The following NCAPG2 variants were observed in gnomAD, a reference collection of about 807,000 sequenced individuals.
NCAPG2 encodes non-SMC condensin II complex subunit G2, also known as condensin-2 complex subunit G2.
Under a neutral mutation model 141.1 loss-of-function variants are expected in NCAPG2, and 53 were observed. The observed-to-expected ratio is 0.38, with a 90% CI of 0.30 to 0.47. NCAPG2 has a LOEUF of 0.47. NCAPG2 is among the 20% of genes least tolerant of loss of function. The pLI is 0.99. For missense variants in NCAPG2, 1,087 were observed against 1,389.0 expected, an observed-to-expected ratio of 0.78 and a Z score of 3.46; for synonymous variants, 499 against 490.7, an observed-to-expected ratio of 1.02 and a Z score of -0.22.
In NCAPG2 at chr7:158,664,511, A is replaced by G; in HGVS notation, c.1702+17T>C. ...GGGAAAACATAACAAGAACTGAGAA[A>G]TAACAGCACTCCCTACCTATGTTGG... On this transcript the variant is annotated intron_variant, in intron 14 of 27. Coordinates refer to ENST00000356309, the MANE Select transcript of NCAPG2 (RefSeq NM_017760.7). The G allele has an allele frequency of 1.2e-6, 2 of 1,609,172 alleles. No individual in the cohort carries two copies. The highest frequency in any genetic ancestry group is 1.3e-5 in the African/African-American group (1 of 74,948).
intron 15 of NCAPG2, 116 bp from the exon 16 acceptor site, chr7:158,662,483 T>C: frequency 1.1e-6 from 1 of 875,200 alleles, no homozygotes; most frequent in Non-Finnish European, 1.6e-6. Flanking sequence ...CGTCTTACTT[T>C]CACGTCTTCT....
At chr7:158,651,752 G>A (rs1398154590) in intron 23 of NCAPG2, among the ~76,000 whole-genome samples, 8 of 152,204 alleles carry the variant, frequency 5.3e-5, no homozygotes, top group Middle Eastern at 3.4e-3. Flanking sequence ...GGGAAGCCAC[G>A]GGCCCCTTCA....
chr7:158,683,401 G>T lies in NCAPG2; in HGVS notation c.838-15C>A. The T allele has an allele frequency of 6.3e-7, 1 of 1,581,248 alleles. No homozygotes were observed. The highest frequency in any genetic ancestry group is 1.4e-5 in the African/African-American group (1 of 73,258). Reference sequence around the variant, plus strand: ...TTTTCAATCGCCTGAAATAACAAATGCAATGCAAAGCACTTGGTGTGTGTG... The same window carrying T: ...TTTTCAATCGCCTGAAATAACAAATTCAATGCAAAGCACTTGGTGTGTGTG... On this transcript the variant is annotated splice_polypyrimidine_tract_variant and intron_variant, in intron 8 of 27. Transcript: ENST00000356309.
chr7:158,652,520 C>G (rs1479772762), intron 22 of NCAPG2, 40 bp from the exon 23 acceptor site: 1 of 1,446,996 alleles, frequency 6.9e-7, no homozygotes, highest in South Asian at 1.3e-5. Context: ...TCTAATCACA[C>G]AAGTTTGTTG....
Position 158,677,525 on chromosome 7 carries a change from C to CAAAAAAAAAA in NCAPG2, c.1147-1879_1147-1870dup. 6.6e-4 allele frequency among the ~76,000 whole-genome samples: 60 copies of CAAAAAAAAAA among 90,406 alleles called. 1 individual carries two copies. Among genetic ancestry groups the CAAAAAAAAAA allele is most frequent in the Middle Eastern group, 0.014 (2 of 148 alleles). 59.3% of individuals were successfully genotyped at this position (90,406 alleles called of 152,430 possible). ...AGAAAAAAAGATGATAAAAATAAAGCAAAAAAAAAAAAAAAAAAAAAAACA... is the reference window on the plus strand; with the variant it reads ...AGAAAAAAAGATGATAAAAATAAAGCAAAAAAAAAAAAAAAAAAAAAAAAAAAAAAAAACA... On this transcript the variant is annotated intron_variant, in intron 11 of 27. Transcript: ENST00000356309.
chr7:158,678,461 G>A (rs1834235710), intron 11 of NCAPG2, among the ~76,000 whole-genome samples: 1 of 152,204 alleles, frequency 6.6e-6, no homozygotes, highest in South Asian at 2.1e-4. Context: ...TTTATGGCAT[G>A]TGAAAATTAC....
At chr7:158,661,005 A>G (rs532428815) in intron 16 of NCAPG2, among the ~76,000 whole-genome samples, 16 of 152,316 alleles carry the variant, frequency 1.1e-4, no homozygotes, top group African/African-American at 3.6e-4. Flanking sequence ...TTCCCCAGCC[A>G]TATGGAACTG....
intron 4 of NCAPG2, among the ~76,000 whole-genome samples, chr7:158,692,505 G>A (rs909862743): frequency 1.3e-5 from 2 of 152,178 alleles, no homozygotes; most frequent in African/African-American, 2.4e-5. Flanking sequence ...CACGTGGGAG[G>A]CTGAGACGGG....
Position 158,654,649 on chromosome 7 carries a change from C to T in NCAPG2, c.2692G>A (p.Asp898Asn), listed in dbSNP as rs751608441. ...CKDVVMVGLGDHQFQMQLLQR... is the reference protein window; with the variant it reads ...CKDVVMVGLGNHQFQMQLLQR... The stretch of plus-strand genomic sequence containing the variant: ...AAGAGTTGCATCTGAAACTGATGGT[C>T]ACCAAGGCCTACCATAACAACATCT... The change falls in exon 22 of 28, where the codon GAC becomes AAC. Residue 898 changes from aspartate to asparagine, a missense_variant. Coordinates refer to ENST00000356309, the MANE Select transcript of NCAPG2 (RefSeq NM_017760.7). 3.1e-6 allele frequency: 5 copies of T among 1,614,074 alleles called. No homozygotes were observed. The South Asian group carries it at 5.5e-5, about 18-fold the overall frequency.
intron 24 of NCAPG2, among the ~76,000 whole-genome samples, 185 bp from the exon 25 acceptor site, chr7:158,646,748 T>C (rs6459887): frequency 0.92 from 139,424 of 152,246 alleles, 63,879 homozygotes; most frequent in East Asian, 0.98. Flanking sequence ...CATAAGTGTG[T>C]TGGGCGTGGT....
chr7:158,662,841 T>C (rs1832622669), intron 15 of NCAPG2, among the ~76,000 whole-genome samples: 1 of 152,100 alleles, frequency 6.6e-6, no homozygotes, highest in African/African-American at 2.4e-5. Context: ...GGACACAGTC[T>C]CTGGTTGGCC....
chr7:158,702,694 A>G (rs1835887951), intron 1 of NCAPG2, among the ~76,000 whole-genome samples: 1 of 152,234 alleles, frequency 6.6e-6, no homozygotes. Flanking sequence ...CACCTGCACC[A>G]TTATAAATAG....
Position 158,656,661 on chromosome 7 carries a change from A to G in NCAPG2, c.2105T>C (p.Val702Ala), listed in dbSNP as rs1225678799. The change falls in exon 18 of 28, where the codon GTG becomes GCG. Residue 702 changes from valine (V) to alanine (A), a missense_variant. By Grantham distance (64) the Val-to-Ala change is moderately conservative. Transcript: ENST00000356309. ...CAACAAAGTGCAGTAGCTCTTGTCC[A>G]CAGCGCCCTCCTCCCGGCTTCTCAG... ...STLRSREEGA[V>A]DKSYCTLLDC... is the part of the protein sequence containing the mutation. 3.7e-6 allele frequency: 6 copies of G among 1,614,134 alleles called. 1 individual carries two copies. The highest frequency in any genetic ancestry group is 2.2e-5 in the South Asian group (2 of 91,074).
chr7:158,660,963 G>A (rs907513605), intron 16 of NCAPG2, among the ~76,000 whole-genome samples: 3 of 152,080 alleles, frequency 2.0e-5, no homozygotes, highest in East Asian at 1.9e-4. Context: ...CATGTAAGAC[G>A]TGCCTTTTGC....
intron 26 of NCAPG2, among the ~76,000 whole-genome samples, chr7:158,644,888 G>A (rs1373680723): frequency 2.6e-5 from 4 of 152,142 alleles, no homozygotes; most frequent in Non-Finnish European, 4.4e-5. Context: ...TACAGGGAGA[G>A]TTTGTTTCAA....
At chr7:158,701,727 G>A (rs1271952469) in intron 2 of NCAPG2, 95 bp downstream of exon 2, 2 of 1,123,570 alleles carry the variant, frequency 1.8e-6, no homozygotes, top group Admixed American at 2.2e-5. Flanking sequence ...AGGATTCACT[G>A]AGATAACTAT....
chr7:158,692,518 G>C (rs1423136445), intron 4 of NCAPG2, among the ~76,000 whole-genome samples: 1 of 152,256 alleles, frequency 6.6e-6, no homozygotes, highest in South Asian at 2.1e-4. Context: ...GAGACGGGTG[G>C]ATCACCTGAG....
Position 158,702,762 on chromosome 7 carries a change from T to G in NCAPG2, c.-39-824A>C, listed in dbSNP as rs118106762. Among the ~76,000 whole-genome samples the G allele has an allele frequency of 1.1e-4, 16 of 152,266 alleles. 1 individual carries two copies. In the East Asian group the frequency reaches 2.9e-3, roughly 28 times the overall value. On this transcript the variant is annotated intron_variant, in intron 1 of 27. Transcript: ENST00000356309. ...GGGACAGAGAGTCATCTTAAACATA[T>G]AATACTAGATTTTAATGTCCAAATT... is the stretch of plus-strand genomic sequence containing the variant.
chr7:158,666,117 C>T (rs1832913123), intron 13 of NCAPG2, among the ~76,000 whole-genome samples: 1 of 152,192 alleles, frequency 6.6e-6, no homozygotes, highest in South Asian at 2.1e-4. Context: ...TGACTGAAGC[C>T]TTGGAAATTA....
Sources: gnomAD v4.1 joint callset for allele counts (sites outside exome capture counted in the v4.1 genomes callset) on GRCh38, gnomAD v4.1.1 for gene constraint, MANE v1.5 for transcripts, NCBI Gene and HGNC (gene_info 2026-07-23, HGNC 2026-07-21) for gene names.